Variants in PHACTR2 observed in about 807,000 individuals in gnomAD.
The protein encoded by PHACTR2 is chromosome 6 open reading frame 56.
Under a neutral mutation model 76.0 loss-of-function variants are expected in PHACTR2, and 30 were observed. The ratio of observed to expected loss-of-function variants is 0.39; its 90% CI spans 0.30 to 0.54. PHACTR2 has a LOEUF of 0.54. PHACTR2 is among the 20% of genes least tolerant of loss of function. The pLI is 0.61. For synonymous variants in PHACTR2, 292 were observed against 292.5 expected, an observed-to-expected ratio of 1.00 and a Z score of 0.02; for missense variants, 696 against 781.1, an observed-to-expected ratio of 0.89 and a Z score of 1.30.
chr6:143,765,630 A>T lies in PHACTR2; in HGVS notation c.1064A>T (p.Asp355Val). Residue 355 changes from aspartate (D) to valine (V), a missense_variant, in exon 6 of 13, where the codon GAT (aspartate) becomes GTT (valine). Asp to Val is a radical substitution (Grantham distance 152, BLOSUM62 -3). This residue lies in a region of PHACTR2 where 460 missense variants were observed against 450.9 expected (regional missense o/e 1.02). Transcript: ENST00000440869. The surrounding 1 kb of genome is among the most constrained non-coding windows in gnomAD (Gnocchi z 4.1). The stretch of plus-strand genomic sequence containing the variant: ...CTGGCCCCCCCTCTCCCTCTTGAGG[A>T]TCAGTGCATTACTGCCTCAGACACT... ...SPLAPPLPLE[D>V]QCITASDTPV... 1 of 1,613,866 alleles carries T rather than the reference A, an allele frequency of 6.2e-7. No homozygotes were observed. The highest frequency in any genetic ancestry group is 8.5e-7 in the Non-Finnish European group (1 of 1,179,926).
At position 143,784,885 on chromosome 6, in the gene PHACTR2, C is replaced by G. The variant is rs530338294; in HGVS notation, c.1707+1605C>G. ...ATCACAAGAATAGAATGGGAAAGAC[C>G]GAGCCCCATGATTCAATTACCTCTT... On this transcript the variant is annotated intron_variant, in intron 10 of 12. Coordinates refer to ENST00000440869, the MANE Select transcript of PHACTR2 (RefSeq NM_001100164.2). The surrounding 1 kb of genome is among the most constrained non-coding windows in gnomAD (Gnocchi z 4.5). Among the ~76,000 whole-genome samples the G allele has an allele frequency of 2.0e-5, 3 of 152,064 alleles. No homozygotes were observed. The highest frequency in any genetic ancestry group is 4.4e-5 in the Non-Finnish European group (3 of 67,994).
At chr6:143,736,212 T>C (rs533432119) in intron 2 of PHACTR2, among the ~76,000 whole-genome samples, 75 of 152,288 alleles carry the variant, frequency 4.9e-4, no homozygotes, top group Admixed American at 1.2e-3. Flanking sequence ...TGTGATACTA[T>C]TTTAAATGCC....
At chr6:143,723,767 C>T (rs113638574) in intron 2 of PHACTR2, among the ~76,000 whole-genome samples, 6 of 94,356 alleles carry the variant, frequency 6.4e-5, no homozygotes, top group African/African-American at 2.0e-4. Flanking sequence ...TCTATCTTAC[C>T]TACTGCTCCA....
chr6:143,747,998 G>A (rs745544373), intron 2 of PHACTR2, among the ~76,000 whole-genome samples: 3 of 152,072 alleles, frequency 2.0e-5, no homozygotes, highest in Non-Finnish European at 4.4e-5. Flanking sequence ...ATTTACATTT[G>A]TTCCAGAAGA....
At position 143,621,531 on chromosome 6, in the gene PHACTR2, T is replaced by A. The variant is rs1562250560; in HGVS notation, c.13+13209T>A. Among the ~76,000 whole-genome samples, 1 of 152,224 alleles carries A rather than the reference T, an allele frequency of 6.6e-6. No individual in the cohort carries two copies. Among genetic ancestry groups the A allele is most frequent in the African/African-American group, 2.4e-5 (1 of 41,456 alleles). ...ATCATTAAATTGCAACTCTTTCTTA[T>A]ATTTAATCACATTTACTGGCTTTCT... On this transcript the variant is annotated intron_variant, in intron 1 of 11. Transcript: ENST00000305766. This position sits in a 1 kb window ranked among gnomAD's most constrained non-coding sequence, Gnocchi z 4.1.
In PHACTR2 at chr6:143,757,293, C is replaced by T. The variant is rs550266243; in HGVS notation, c.455-3108C>T. ...ACCTGTGAGGAGACCAGAATGCAAA[C>T]GGGCAATTGTAGTGCAAGATGCGAA... On this transcript the variant is annotated intron_variant, in intron 4 of 12. Transcript: ENST00000440869. The surrounding 1 kb of genome is among the most constrained non-coding windows in gnomAD (Gnocchi z 4.2). 1.3e-5 allele frequency among the ~76,000 whole-genome samples: 2 copies of T among 152,234 alleles called. No individual in the cohort carries two copies. Among genetic ancestry groups the T allele is most frequent in the South Asian group, 2.1e-4 (1 of 4,828 alleles).
rs1775950095 is a variant in PHACTR2 at position 143,801,316 on chromosome 6, C to T, written c.1846-5741C>T. On this transcript the variant is annotated intron_variant, in intron 11 of 12. Transcript: ENST00000440869. The surrounding 1 kb of genome is among the most constrained non-coding windows in gnomAD (Gnocchi z 4.6). The stretch of plus-strand genomic sequence containing the variant: ...TTTTTCAACTTGGTTCTATTCTCCC[C>T]ATCACTTTCAGGTACACCAATCAAA... 6.6e-6 allele frequency among the ~76,000 whole-genome samples: 1 copy of T among 152,162 alleles called. No individual in the cohort carries two copies. The highest frequency in any genetic ancestry group is 1.5e-5 in the Non-Finnish European group (1 of 68,028).
At chr6:143,705,236 A>T (rs1478473606) in intron 1 of PHACTR2, among the ~76,000 whole-genome samples, 1 of 151,144 alleles carries the variant, frequency 6.6e-6, no homozygotes, top group Non-Finnish European at 1.5e-5. Flanking sequence ...CTCCTGCCTC[A>T]GCCTCCCAAG....
At chr6:143,737,324 T>C (rs1483557171) in intron 2 of PHACTR2, among the ~76,000 whole-genome samples, 3 of 151,926 alleles carry the variant, frequency 2.0e-5, no homozygotes, top group Non-Finnish European at 2.9e-5. Context: ...TTTAGAGTGA[T>C]GGTGTCTCAC....
At chr6:143,650,210 A>G (rs982756475) in intron 1 of PHACTR2, among the ~76,000 whole-genome samples, 3 of 152,178 alleles carry the variant, frequency 2.0e-5, no homozygotes, top group Admixed American at 2.0e-4. Flanking sequence ...AAATGGAAGA[A>G]CATTCCATGC....
chr6:143,771,208 A>G lies in PHACTR2; in HGVS notation c.1233-1050A>G, dbSNP rs868136555. 3.5e-3 allele frequency among the ~76,000 whole-genome samples: 284 copies of G among 80,386 alleles called. 15 individuals carry two copies. Among genetic ancestry groups the G allele is most frequent in the Admixed American group, 0.028 (213 of 7,580 alleles). 52.7% of individuals were successfully genotyped at this position (80,386 alleles called of 152,430 possible). On this transcript the variant is annotated intron_variant, in intron 6 of 12. Coordinates refer to ENST00000440869, the MANE Select transcript of PHACTR2 (RefSeq NM_001100164.2). ...TATATATGTGTGTATATATATATATATATATATATATATATATATATATAT... is the reference window on the plus strand; with the variant it reads ...TATATATGTGTGTATATATATATATGTATATATATATATATATATATATAT...
chr6:143,763,343 A>C (rs1034580801), intron 5 of PHACTR2, among the ~76,000 whole-genome samples: 2 of 152,144 alleles, frequency 1.3e-5, no homozygotes, highest in South Asian at 4.1e-4. Context: ...TGGGTGACAG[A>C]GGGAGACTCT....
At chr6:143,735,278 A>C (rs897444427) in intron 2 of PHACTR2, among the ~76,000 whole-genome samples, 1 of 152,358 alleles carries the variant, frequency 6.6e-6, no homozygotes, top group Middle Eastern at 3.4e-3. Context: ...ATATACAAAA[A>C]TACAAGATAA....
At position 143,800,098 on chromosome 6, in the gene PHACTR2, C is replaced by T. The variant is rs777603516; in HGVS notation, c.1846-6959C>T. ...ATGCATATATATTTAGGATAGTTAA[C>T]TCTTTTTGTTGAATTGATCCCTTCA... On this transcript the variant is annotated intron_variant, in intron 11 of 12. Coordinates refer to ENST00000440869, the MANE Select transcript of PHACTR2 (RefSeq NM_001100164.2). This position sits in a 1 kb window ranked among gnomAD's most constrained non-coding sequence, Gnocchi z 4.8. Among the ~76,000 whole-genome samples the T allele has an allele frequency of 4.6e-5, 7 of 152,068 alleles. No individual in the cohort carries two copies. The highest frequency in any genetic ancestry group is 3.9e-4 in the Admixed American group (6 of 15,258).
At position 143,583,286 on chromosome 6, in the gene PHACTR2, C is replaced by CTA. The variant is rs1386681285; in HGVS notation, c.217+46080_217+46081insAT. On this transcript the variant is annotated intron_variant, in intron 1 of 11. Transcript: ENST00000367584. The surrounding 1 kb of genome is among the most constrained non-coding windows in gnomAD (Gnocchi z 4.0). ...AACCATGATTTAGTGAATGAAAGCA[C>CTA]TTATACCATGTGAGAATGGGTTACA... Among the ~76,000 whole-genome samples, 1 of 152,224 alleles carries CTA rather than the reference C, an allele frequency of 6.6e-6. No homozygotes were observed. Among genetic ancestry groups the CTA allele is most frequent in the Non-Finnish European group, 1.5e-5 (1 of 68,048 alleles).
At chr6:143,673,408 T>A (rs975920929), upstream of PHACTR2, among the ~76,000 whole-genome samples, 10 of 152,136 alleles carry the variant, frequency 6.6e-5, no homozygotes. Context: ...ATCTATGTAT[T>A]CAGTACCCTC....
intron 1 of PHACTR2, among the ~76,000 whole-genome samples, chr6:143,661,224 A>G (rs1356245287): frequency 1.3e-5 from 2 of 152,268 alleles, no homozygotes; most frequent in Non-Finnish European, 2.9e-5. Context: ...TGAGAAATGC[A>G]TATTAATGTT....
intron 1 of PHACTR2, among the ~76,000 whole-genome samples, chr6:143,613,900 A>G (rs1402013991): frequency 6.6e-6 from 1 of 152,198 alleles, no homozygotes; most frequent in Non-Finnish European, 1.5e-5. Flanking sequence ...TGAGTTTAAC[A>G]GCATTCAACA....
rs1447630477 is a variant in PHACTR2, at chr6:143,625,750, T to G, written c.13+17428T>G. The stretch of plus-strand genomic sequence containing the variant: ...CAGGCACTCTTCCGGGTGCAGTGAA[T>G]GGGGCAGTGATGAGACACATGGAGT... On this transcript the variant is annotated intron_variant, in intron 1 of 11. Transcript: ENST00000305766. This position sits in a 1 kb window ranked among gnomAD's most constrained non-coding sequence, Gnocchi z 4.3. Among the ~76,000 whole-genome samples, 1 of 152,222 alleles carries G rather than the reference T, an allele frequency of 6.6e-6. No homozygotes were observed. The highest frequency in any genetic ancestry group is 1.9e-4 in the East Asian group (1 of 5,194).
Sources: gnomAD v4.1 joint callset for allele counts (sites outside exome capture counted in the v4.1 genomes callset) on GRCh38, gnomAD v4.1.1 for gene constraint, gnomAD v4.1.1 regional missense constraint, Gnocchi (gnomAD v3.1) non-coding constraint, MANE v1.5 for transcripts, NCBI Gene and HGNC (gene_info 2026-07-23, HGNC 2026-07-21) for gene names.